Variants in JAK2 observed in about 807,000 individuals in gnomAD.
JAK2 encodes the protein Janus kinase 2.
JAK2 carries 86 observed loss-of-function variants against 139.3 expected under a neutral mutation model. The observed-to-expected ratio is 0.62, with a 90% CI of 0.52 to 0.74. JAK2 has a LOEUF of 0.74. JAK2 is among the 30% of genes least tolerant of loss of function. The probability of loss-of-function intolerance (pLI) is 0.00; values close to 1 mark genes in which losing one functional copy is unlikely to be tolerated. For synonymous variants in JAK2, 490 were observed against 437.7 expected, an observed-to-expected ratio of 1.12 and a Z score of -1.49; for missense variants, 1,421 against 1,360.3, an observed-to-expected ratio of 1.04 and a Z score of -0.70.
intron 4 of JAK2, among the ~76,000 whole-genome samples, chr9:5,030,296 G>A (rs947495766): frequency 2.0e-5 from 3 of 152,106 alleles, no homozygotes; most frequent in Non-Finnish European, 2.9e-5. Flanking sequence ...AAAAGTTGAC[G>A]TGAAGAAAAG....
intron 4 of JAK2, among the ~76,000 whole-genome samples, chr9:5,042,853 G>C (rs1290993775): frequency 5.3e-5 from 8 of 152,186 alleles, no homozygotes. Flanking sequence ...CTGCACCAAA[G>C]CTCGGTCGCC....
intron 23 of JAK2, among the ~76,000 whole-genome samples, chr9:5,124,514 A>T (rs1166055340): frequency 1.3e-5 from 2 of 151,728 alleles, no homozygotes; most frequent in African/African-American, 2.4e-5. Context: ...TGCAGTTCCT[A>T]TCAAAATACC....
At chr9:5,071,159 C>A (rs1018045852) in intron 12 of JAK2, among the ~76,000 whole-genome samples, 20 of 152,126 alleles carry the variant, frequency 1.3e-4, no homozygotes, top group Admixed American at 1.3e-4. Flanking sequence ...GTGGTACTCT[C>A]CTAATATTGT....
chr9:5,068,225 G>C (rs1472317249), intron 10 of JAK2, among the ~76,000 whole-genome samples: 1 of 151,084 alleles, frequency 6.6e-6, no homozygotes, highest in Non-Finnish European at 1.5e-5. Flanking sequence ...GAACCTGATT[G>C]ACCTTGAGGT....
At chr9:5,012,556 AC>A (rs1821771492) in intron 2 of JAK2, among the ~76,000 whole-genome samples, 1 of 152,172 alleles carries the variant, frequency 6.6e-6, no homozygotes, top group South Asian at 2.1e-4. Context: ...AAGGGAGGCA[AC>A]CCAGCCTTGG....
intron 14 of JAK2, among the ~76,000 whole-genome samples, chr9:5,076,859 G>A (rs1334388952): frequency 6.6e-6 from 1 of 152,108 alleles, no homozygotes; most frequent in Non-Finnish European, 1.5e-5. Flanking sequence ...GTATCTGAGA[G>A]GCTCCTGTGG....
chr9:5,053,467 CA>C (rs1371196170), intron 6 of JAK2, among the ~76,000 whole-genome samples: 1 of 151,988 alleles, frequency 6.6e-6, no homozygotes, highest in African/African-American at 2.4e-5. Context: ...ATTTGTAGCA[CA>C]AAAGTTTTAA....
At chr9:5,080,172 A>C (rs1563983170) in intron 16 of JAK2, 57 bp from the exon 17 acceptor site, 6 of 1,297,846 alleles carry the variant, frequency 4.6e-6, no homozygotes, top group Non-Finnish European at 6.4e-6. Flanking sequence ...ATTTACATAT[A>C]AAAGATTGGT....
intron 8 of JAK2, among the ~76,000 whole-genome samples, chr9:5,060,104 A>AAAATT (rs1471438276): frequency 6.6e-6 from 1 of 152,232 alleles, no homozygotes; most frequent in East Asian, 1.9e-4. Flanking sequence ...AAGTCTACTA[A>AAAATT]GTGTGCAACA....
intron 23 of JAK2, among the ~76,000 whole-genome samples, chr9:5,124,544 A>C (rs541174037): frequency 1.3e-5 from 2 of 151,914 alleles, no homozygotes; most frequent in East Asian, 3.9e-4. Context: ...TGTTCACAGA[A>C]TTAGAAAAAA....
At position 5,003,800 on chromosome 9, in the gene JAK2, G is replaced by C. The variant is rs538486728; in HGVS notation, c.-26+17778G>C. The stretch of plus-strand genomic sequence containing the variant: ...ACGTTTTTGAACTCTAGAAGAACAA[G>C]ATCAATATTTTACCATTAGGTATAT... On this transcript the variant is annotated intron_variant, in intron 2 of 24. Transcript: ENST00000381652. 2.6e-5 allele frequency among the ~76,000 whole-genome samples: 4 copies of C among 152,100 alleles called. No individual in the cohort carries two copies. In the South Asian group the frequency reaches 8.3e-4, roughly 32 times the overall value.
intron 17 of JAK2, 31 bp downstream of exon 17, chr9:5,080,411 T>C: frequency 6.4e-7 from 1 of 1,573,540 alleles, no homozygotes; most frequent in Non-Finnish European, 8.6e-7. Context: ...TTAGAATTAC[T>C]CTATCTCTGA....
At chr9:5,116,435 T>C (rs1294140649) in intron 22 of JAK2, among the ~76,000 whole-genome samples, 1 of 152,220 alleles carries the variant, frequency 6.6e-6, no homozygotes, top group East Asian at 1.9e-4. Context: ...TAATTACTTT[T>C]AGGGTATGAG....
At chr9:5,125,193 T>A (rs1455806860) in intron 23 of JAK2, among the ~76,000 whole-genome samples, 2 of 151,244 alleles carry the variant, frequency 1.3e-5, no homozygotes, top group East Asian at 3.8e-4. Context: ...CTTCATTTTG[T>A]GTATAAAAGT....
intron 8 of JAK2, among the ~76,000 whole-genome samples, chr9:5,061,562 T>G (rs138614081): frequency 2.0e-3 from 305 of 152,348 alleles, no homozygotes; most frequent in South Asian, 0.013. Flanking sequence ...TCTCTCAGCC[T>G]TCATAGAATT....
chr9:5,052,992 A>C (rs1817524397), intron 6 of JAK2, among the ~76,000 whole-genome samples: 1 of 151,438 alleles, frequency 6.6e-6, no homozygotes, highest in Non-Finnish European at 1.5e-5. Flanking sequence ...TATTTTTTTC[A>C]TTTTTTCTTG....
At position 5,080,605 on chromosome 9, in the gene JAK2, A is replaced by G. The variant is rs1433297798; in HGVS notation, c.2356A>G (p.Asn786Asp). 1.9e-6 allele frequency: 3 copies of G among 1,608,422 alleles called. No homozygotes were observed. The Admixed American group carries it at 5.1e-5, about 27-fold the overall frequency. ...KWAELANLIN[N>D]CMDYEPDFRP... The stretch of plus-strand genomic sequence containing the variant: ...GGCAGAATTAGCAAACCTTATAAAT[A>G]ATTGTATGGATTATGAACCAGATTT... Residue 786 changes from asparagine to aspartate, a missense_variant, in exon 18 of 25, where the codon AAT becomes GAT. Coordinates refer to ENST00000381652, the MANE Select transcript of JAK2 (RefSeq NM_004972.4).
chr9:5,069,186 A>G lies in JAK2; in HGVS notation c.1491A>G (p.Lys497=). The change falls in exon 11 of 25, where the codon AAA becomes AAG. Residue 497 remains lysine (K), a synonymous_variant. Transcript: ENST00000381652. ...ACAATATAATTTTCCAGTTTACTAA[A>G]TGCTGTCCCCCAAAGCCAAAAGGTA... ...RSDNIIFQFT[K]CCPPKPKDKS... 1.9e-6 allele frequency: 3 copies of G among 1,606,666 alleles called. No individual in the cohort carries two copies. Among genetic ancestry groups the G allele is most frequent in the East Asian group, 2.2e-5 (1 of 44,686 alleles).
chr9:5,110,971 G>A (rs1822448836), intron 22 of JAK2: 1 of 612,936 alleles, frequency 1.6e-6, no homozygotes, highest in Middle Eastern at 4.5e-4. Flanking sequence ...CAGTAACCTG[G>A]ACTTCAGCAT....
Sources: gnomAD v4.1 joint callset for allele counts (sites outside exome capture counted in the v4.1 genomes callset) on GRCh38, gnomAD v4.1.1 for gene constraint, MANE v1.5 for transcripts, NCBI Gene and HGNC (gene_info 2026-07-23, HGNC 2026-07-21) for gene names.